Variants in LSM3 observed in about 807,000 individuals in gnomAD.
LSM3 encodes the protein LSM3 homolog, U6 small nuclear RNA and mRNA degradation associated, also known as U6 snRNA-associated Sm-like protein LSm3.
Under a neutral mutation model 15.4 loss-of-function variants are expected in LSM3, and 14 were observed. The observed-to-expected ratio is 0.91, with a 90% confidence interval of 0.60 to 1.42. The LOEUF (loss-of-function observed/expected upper bound fraction) is 1.42, where lower values mean the gene tolerates loss of function less well. Among genes scored for constraint, LSM3 ranks in the 40% most tolerant of loss-of-function variants. The pLI is 0.00. For synonymous variants in LSM3, 46 were observed against 45.1 expected (o/e 1.02, Z -0.08); for missense variants, 88 against 127.9 (o/e 0.69, Z 1.50).
At chr3:14,190,799 G>T (rs1212319125) in intron 3 of LSM3, among the ~76,000 whole-genome samples, 4 of 152,102 alleles carry the variant, frequency 2.6e-5, no homozygotes, top group Admixed American at 6.5e-5. Context: ...TTGCCTGATT[G>T]CCCTGGCCAG....
At chr3:14,189,808 C>G (rs1034994976) in intron 3 of LSM3, among the ~76,000 whole-genome samples, 1 of 152,154 alleles carries the variant, frequency 6.6e-6, no homozygotes, top group Non-Finnish European at 1.5e-5. Flanking sequence ...TTAATTAGAT[C>G]CCATTTGTCA....
intron 3 of LSM3, among the ~76,000 whole-genome samples, chr3:14,192,299 G>C (rs931580325): frequency 1.3e-5 from 2 of 152,202 alleles, no homozygotes; most frequent in Non-Finnish European, 2.9e-5. Flanking sequence ...TGTTAGGTCT[G>C]CTTGGTCCAG....
intron 3 of LSM3, among the ~76,000 whole-genome samples, chr3:14,196,775 T>C (rs988952607): frequency 1.3e-5 from 2 of 152,250 alleles, no homozygotes; most frequent in Non-Finnish European, 2.9e-5. Context: ...ACTTCTATTA[T>C]GCTGGAAGAC....
chr3:14,189,213 T>G (rs1394306247), intron 3 of LSM3, among the ~76,000 whole-genome samples: 1 of 152,218 alleles, frequency 6.6e-6, no homozygotes, highest in Non-Finnish European at 1.5e-5. Flanking sequence ...TGATGCACAT[T>G]TGGGTTGGTT....
intron 3 of LSM3, among the ~76,000 whole-genome samples, chr3:14,186,478 A>G (rs2125057742): frequency 6.6e-6 from 1 of 152,344 alleles, no homozygotes; most frequent in South Asian, 2.1e-4. Flanking sequence ...TTAAACTGTT[A>G]GCCTTCACTG....
chr3:14,194,366 C>T (rs1047471678), intron 3 of LSM3, among the ~76,000 whole-genome samples: 1 of 152,210 alleles, frequency 6.6e-6, no homozygotes, highest in Non-Finnish European at 1.5e-5. Flanking sequence ...GGGGCTGCTG[C>T]CTTTTTTACA....
At position 14,198,390 on chromosome 3, in the gene LSM3, T is replaced by A. The variant is rs1697205202; in HGVS notation, c.*274T>A. 2.4e-6 allele frequency: 1 copy of A among 413,008 alleles called. No homozygotes were observed. Among genetic ancestry groups the A allele is most frequent in the Admixed American group, 4.1e-5 (1 of 24,554 alleles). 25.6% of individuals were successfully genotyped at this position (413,008 alleles called of 1,614,324 possible). On this transcript the variant is annotated 3_prime_UTR_variant, in exon 4 of 4. Transcript: ENST00000306024. ...TTGCTCCATTATTCTCACAGATACT[T>A]ACTGATTTTTCTTTTCTTTAAATTG... is the stretch of plus-strand genomic sequence containing the variant.
intron 3 of LSM3, among the ~76,000 whole-genome samples, chr3:14,185,347 G>A (rs1228828177): frequency 6.6e-6 from 1 of 150,746 alleles, no homozygotes; most frequent in Non-Finnish European, 1.5e-5. Context: ...GTAAGACTCT[G>A]TCTCAAAACA....
chr3:14,196,322 C>T (rs1697187087), intron 3 of LSM3, among the ~76,000 whole-genome samples: 1 of 152,112 alleles, frequency 6.6e-6, no homozygotes, highest in Non-Finnish European at 1.5e-5. Context: ...CAGAATCCTA[C>T]TTCCCAGACA....
intron 3 of LSM3, among the ~76,000 whole-genome samples, chr3:14,184,492 C>T (rs960649542): frequency 8.5e-5 from 13 of 152,164 alleles, no homozygotes; most frequent in East Asian, 1.9e-4. Context: ...CGGTGGCTCA[C>T]GCCTGTAATC....
intron 1 of LSM3, among the ~76,000 whole-genome samples, chr3:14,179,509 ACTGAAAT>A (rs1328515102): frequency 7.9e-5 from 12 of 152,130 alleles, no homozygotes; most frequent in Non-Finnish European, 1.3e-4. Context: ...TAAACTTTCT[ACTGAAAT>A]CTGACCTCCT....
At chr3:14,186,588 AT>A (rs983867324) in intron 3 of LSM3, among the ~76,000 whole-genome samples, 2 of 151,538 alleles carry the variant, frequency 1.3e-5, no homozygotes, top group African/African-American at 4.8e-5. Flanking sequence ...AACATTTAGC[AT>A]TTTTTTCTTT....
chr3:14,186,989 G>C (rs916914139), intron 3 of LSM3, among the ~76,000 whole-genome samples: 1 of 152,196 alleles, frequency 6.6e-6, no homozygotes, highest in African/African-American at 2.4e-5. Context: ...TACCATGAGA[G>C]TAGACTCTTC....
chr3:14,187,662 T>C (rs1372485661), intron 3 of LSM3, among the ~76,000 whole-genome samples: 1 of 152,164 alleles, frequency 6.6e-6, no homozygotes, highest in Non-Finnish European at 1.5e-5. Flanking sequence ...TCGCTCTCTC[T>C]CTCGTCTATT....
Position 14,198,083 on chromosome 3 carries a change from T to C in LSM3, c.276T>C (p.Val92=). Residue 92 remains valine, a synonymous_variant, in exon 4 of 4, where the codon GTT becomes GTC. Coordinates refer to ENST00000306024, the MANE Select transcript of LSM3 (RefSeq NM_014463.3). ...IPMLFVRGDG[V]VLVAPPLRVG is the part of the protein sequence containing the mutation. ...TGCTCTTTGTCCGGGGAGATGGCGT[T>C]GTCCTGGTTGCCCCTCCACTGAGAG... 1.9e-6 allele frequency: 3 copies of C among 1,613,804 alleles called. No individual in the cohort carries two copies. The highest frequency in any genetic ancestry group is 2.5e-6 in the Non-Finnish European group (3 of 1,179,876).
chr3:14,194,693 T>C (rs1697172105), intron 3 of LSM3, among the ~76,000 whole-genome samples: 1 of 149,146 alleles, frequency 6.7e-6, no homozygotes, highest in East Asian at 2.1e-4. Context: ...ACATGCACAC[T>C]TAAAAAAAAA....
intron 3 of LSM3, among the ~76,000 whole-genome samples, chr3:14,196,159 G>A (rs1438366207): frequency 5.9e-5 from 9 of 151,788 alleles, no homozygotes; most frequent in East Asian, 1.9e-4. Context: ...GGGTTTCACC[G>A]TGTTAGCCAG....
At chr3:14,192,480 A>G (rs1388138537) in intron 3 of LSM3, among the ~76,000 whole-genome samples, 2 of 152,168 alleles carry the variant, frequency 1.3e-5, no homozygotes, top group Non-Finnish European at 2.9e-5. Context: ...TTGGGTGCAT[A>G]TATATTTAGG....
chr3:14,179,019 C>T, intron 1 of LSM3, 138 bp downstream of exon 1: 1 of 926,062 alleles, frequency 1.1e-6, no homozygotes, highest in Non-Finnish European at 1.7e-6. Context: ...TCCGTAACCC[C>T]CCCTCCGAAT....
Sources: gnomAD v4.1 joint callset for allele counts (sites outside exome capture counted in the v4.1 genomes callset) on GRCh38, gnomAD v4.1.1 for gene constraint, MANE v1.5 for transcripts, NCBI Gene and HGNC (gene_info 2026-07-23, HGNC 2026-07-21) for gene names.